ATP6V1H: variants seen among roughly 807,000 people sequenced by gnomAD.
ATP6V1H encodes V-type proton ATPase subunit H.
A neutral mutation model predicts 71.7 loss-of-function variants in ATP6V1H; 39 were observed. The ratio of observed to expected loss-of-function variants is 0.54; its 90% CI spans 0.42 to 0.71. ATP6V1H has a LOEUF of 0.71. Ranked by LOEUF, ATP6V1H falls within the 30% of genes least tolerant of loss-of-function variation. ATP6V1H has a pLI of 0.00. For missense variants in ATP6V1H, 509 were observed against 594.9 expected, an observed-to-expected ratio of 0.86 and a Z score of 1.50; for synonymous variants, 192 against 199.3, an observed-to-expected ratio of 0.96 and a Z score of 0.31.
intron 10 of ATP6V1H, among the ~76,000 whole-genome samples, chr8:53,770,014 T>C (rs1219916010): frequency 1.3e-5 from 2 of 152,150 alleles, no homozygotes; most frequent in Admixed American, 6.5e-5. Flanking sequence ...TCAAAATCCT[T>C]ACTCCAATAT....
intron 9 of ATP6V1H, among the ~76,000 whole-genome samples, chr8:53,779,455 ATAT>A (rs1166632349): frequency 6.6e-6 from 1 of 151,276 alleles, no homozygotes; most frequent in African/African-American, 2.4e-5. Context: ...TATGACACTA[ATAT>A]TATTACATGC....
chr8:53,786,474 C>T (rs564129856), intron 9 of ATP6V1H, among the ~76,000 whole-genome samples: 2 of 152,232 alleles, frequency 1.3e-5, no homozygotes, highest in Non-Finnish European at 2.9e-5. Flanking sequence ...TTCCCTGACC[C>T]CTTGCAGTTC....
At chr8:53,726,439 C>G (rs1455771806) in intron 13 of ATP6V1H, among the ~76,000 whole-genome samples, 1 of 152,008 alleles carries the variant, frequency 6.6e-6, no homozygotes, top group Admixed American at 6.5e-5. Context: ...ATCTAAGGTA[C>G]TTAAAATTTT....
Position 53,751,027 on chromosome 8 carries a change from G to C in ATP6V1H, c.1277+5528C>G, listed in dbSNP as rs76685267. 4.9e-3 allele frequency among the ~76,000 whole-genome samples: 752 copies of C among 152,280 alleles called. 15 individuals are homozygous for C. The East Asian group carries it at 0.052, about 11-fold the overall frequency. On this transcript the variant is annotated intron_variant, in intron 12 of 13. Coordinates refer to ENST00000359530, the MANE Select transcript of ATP6V1H (RefSeq NM_015941.4). ...TCACAGAGGAGGAAACCAAGGCACA[G>C]AGAGGTAAAGGGACTTGCCCAATCT...
chr8:53,814,674 CT>C lies in ATP6V1H; in HGVS notation c.512del (p.Gln171ArgfsTer2). The C allele has an allele frequency of 2.5e-6, 4 of 1,605,352 alleles. No homozygotes were observed. The highest frequency in any genetic ancestry group is 3.4e-6 in the Non-Finnish European group (4 of 1,174,562). On this transcript the variant is annotated frameshift_variant, in exon 6 of 14. Transcript: ENST00000359530. LOFTEE classifies it high-confidence loss of function. ...LNYYFNWIKTQLSSQKLRGSG... is the reference protein window; with the variant it reads ...LNYYFNWIKTXLSSQKLRGSG... The stretch of plus-strand genomic sequence containing the variant: ...AATTTTCTTTTACCTGTGAACTCAG[CT>C]GAGTTTTTATCCAATTGAAATAGTA...
chr8:53,765,118 G>A (rs891065062), intron 11 of ATP6V1H, among the ~76,000 whole-genome samples: 4 of 151,422 alleles, frequency 2.6e-5, no homozygotes, highest in Admixed American at 6.6e-5. Context: ...AAAAGGCGGG[G>A]GAAGGCCAGG....
At chr8:53,757,743 A>G (rs931361168) in intron 11 of ATP6V1H, among the ~76,000 whole-genome samples, 1 of 152,190 alleles carries the variant, frequency 6.6e-6, no homozygotes, top group African/African-American at 2.4e-5. Context: ...CTTGTATAAG[A>G]GCCCACGATT....
intron 13 of ATP6V1H, among the ~76,000 whole-genome samples, chr8:53,742,057 T>C (rs1180803191): frequency 6.6e-6 from 1 of 151,810 alleles, no homozygotes; most frequent in Admixed American, 6.6e-5. Flanking sequence ...ATCCTTGCAA[T>C]GGTTTTCAAC....
intron 7 of ATP6V1H, among the ~76,000 whole-genome samples, chr8:53,809,075 A>G (rs772564881): frequency 3.0e-4 from 46 of 152,324 alleles, no homozygotes; most frequent in Non-Finnish European, 1.2e-4. Flanking sequence ...CTAAAGATGC[A>G]ATTCCAACTC....
intron 7 of ATP6V1H, 65 bp downstream of exon 7, chr8:53,811,099 T>A (rs1000618846): frequency 7.0e-7 from 1 of 1,432,010 alleles, no homozygotes; most frequent in Non-Finnish European, 9.7e-7. Context: ...TTCAAAATTT[T>A]AAGTGTATAT....
chr8:53,735,603 G>T (rs370380992), intron 13 of ATP6V1H, among the ~76,000 whole-genome samples: 1 of 151,924 alleles, frequency 6.6e-6, no homozygotes, highest in East Asian at 1.9e-4. Flanking sequence ...CGGCCACCCC[G>T]CAAATCATAA....
intron 9 of ATP6V1H, among the ~76,000 whole-genome samples, chr8:53,786,328 C>G (rs983025594): frequency 6.6e-6 from 1 of 152,246 alleles, no homozygotes; most frequent in African/African-American, 2.4e-5. Context: ...GGCACAGGAT[C>G]CTCCGAGCCA....
chr8:53,787,293 G>C (rs1563467084), intron 9 of ATP6V1H, among the ~76,000 whole-genome samples: 1 of 152,168 alleles, frequency 6.6e-6, no homozygotes, highest in Non-Finnish European at 1.5e-5. Flanking sequence ...CTGAAACAGG[G>C]GATAAGGGAT....
chr8:53,778,671 A>C (rs1808981046), intron 9 of ATP6V1H, among the ~76,000 whole-genome samples: 2 of 152,216 alleles, frequency 1.3e-5, no homozygotes, highest in Admixed American at 1.3e-4. Flanking sequence ...AACAAAAAAC[A>C]GATAAGCAAA....
chr8:53,722,596 G>A (rs1474088774), intron 13 of ATP6V1H, among the ~76,000 whole-genome samples: 1 of 152,062 alleles, frequency 6.6e-6, no homozygotes, highest in African/African-American at 2.4e-5. Context: ...TATGACAGTG[G>A]AGATGGTGTC....
intron 2 of ATP6V1H, among the ~76,000 whole-genome samples, chr8:53,833,670 C>T (rs1024254384): frequency 7.9e-5 from 12 of 152,102 alleles, no homozygotes; most frequent in Admixed American, 2.0e-4. Context: ...ACTGGCTCTT[C>T]GCCCTTCAAG....
At position 53,796,239 on chromosome 8, in the gene ATP6V1H, G is replaced by A. The variant is rs182711906; in HGVS notation, c.678-400C>T. Among the ~76,000 whole-genome samples the A allele has an allele frequency of 2.1e-3, 317 of 152,196 alleles. 1 individual carries two copies. The highest frequency in any genetic ancestry group is 7.1e-3 in the African/African-American group (293 of 41,514). ...AGGAAACAGAGAAAAGAAGGGAAGC[G>A]CTTGGTGAAAACCTGTGATGGGTTC... is the stretch of plus-strand genomic sequence containing the variant. On this transcript the variant is annotated intron_variant, in intron 8 of 13. Coordinates refer to ENST00000359530, the MANE Select transcript of ATP6V1H (RefSeq NM_015941.4).
intron 11 of ATP6V1H, among the ~76,000 whole-genome samples, chr8:53,765,483 AC>A (rs1808425666): frequency 6.7e-6 from 1 of 150,094 alleles, no homozygotes; most frequent in Admixed American, 6.6e-5. Flanking sequence ...ACACACACAC[AC>A]ACACACACAC....
chr8:53,760,713 T>A (rs1242211217), intron 11 of ATP6V1H, among the ~76,000 whole-genome samples: 1 of 152,056 alleles, frequency 6.6e-6, no homozygotes, highest in Admixed American at 6.5e-5. Context: ...CAGAACAGAC[T>A]CCCTTCTGGG....
Sources: gnomAD v4.1 joint callset for allele counts (sites outside exome capture counted in the v4.1 genomes callset) on GRCh38, gnomAD v4.1.1 for gene constraint, MANE v1.5 for transcripts, NCBI Gene and HGNC (gene_info 2026-07-23, HGNC 2026-07-21) for gene names.